The following CWC27 variants were observed in gnomAD, a reference collection of about 807,000 sequenced individuals.
CWC27 encodes the protein CWC27 spliceosome associated cyclophilin.
In CWC27, 47 loss-of-function variants were observed where a neutral mutation model predicts 63.6. The ratio of observed to expected loss-of-function variants is 0.74; its 90% CI spans 0.58 to 0.94. The LOEUF is 0.94. Ranked by LOEUF, CWC27 falls within the 40% of genes least tolerant of loss-of-function variation. The probability of loss-of-function intolerance (pLI) is 0.00; values close to 1 mark genes in which losing one functional copy is unlikely to be tolerated. For synonymous variants in CWC27, 175 were observed against 179.8 expected (o/e 0.97, Z 0.22); for missense variants, 495 against 554.3 (o/e 0.89, Z 1.07).
At chr5:64,952,450 C>T (rs17202652) in intron 11 of CWC27, among the ~76,000 whole-genome samples, 23,049 of 151,818 alleles carry the variant, frequency 0.15, 1,967 homozygotes, top group Non-Finnish European at 0.19. Flanking sequence ...GTTACTGGTT[C>T]AGACAAGTAA....
chr5:64,769,239 T>A (rs781748324), intron 1 of CWC27, 51 bp downstream of exon 1: 3 of 1,561,390 alleles, frequency 1.9e-6, no homozygotes, highest in Non-Finnish European at 2.6e-6. Flanking sequence ...CAAAGTGAGA[T>A]TTCCCGGATT....
intron 1 of CWC27, among the ~76,000 whole-genome samples, chr5:64,773,284 C>T (rs1028241877): frequency 3.9e-5 from 6 of 152,104 alleles, no homozygotes; most frequent in African/African-American, 9.7e-5. Context: ...CATTTAAAAA[C>T]TAGATGTGTA....
chr5:64,904,534 A>T (rs927837926), intron 11 of CWC27, among the ~76,000 whole-genome samples: 2 of 152,236 alleles, frequency 1.3e-5, no homozygotes. Flanking sequence ...ATGATATGGT[A>T]TCTGGGTTCC....
intron 2 of CWC27, among the ~76,000 whole-genome samples, chr5:64,778,823 T>A (rs571520972): frequency 6.6e-6 from 1 of 152,320 alleles, no homozygotes; most frequent in Non-Finnish European, 1.5e-5. Flanking sequence ...TTGTCTGCAC[T>A]AGGGAGCTCT....
intron 13 of CWC27, 117 bp downstream of exon 13, chr5:64,977,355 A>G: frequency 1.6e-6 from 1 of 625,696 alleles, no homozygotes; most frequent in Non-Finnish European, 2.7e-6. Flanking sequence ...TCACCATTAT[A>G]GGACCTCGGC....
intron 11 of CWC27, among the ~76,000 whole-genome samples, chr5:64,916,885 TTAGTAGTAGTAGTAG>T (rs56214406): frequency 1.3e-4 from 19 of 144,020 alleles, no homozygotes; most frequent in Non-Finnish European, 2.3e-4. Flanking sequence ...AGTAGTAGTA[TTAGTAGTAGTAGTAG>T]TAGTAGTAGT....
intron 11 of CWC27, among the ~76,000 whole-genome samples, chr5:64,945,784 A>G (rs571928699): frequency 1.3e-5 from 2 of 152,290 alleles, no homozygotes; most frequent in East Asian, 3.9e-4. Flanking sequence ...AGAATACTGT[A>G]TAATCCTTCA....
intron 11 of CWC27, among the ~76,000 whole-genome samples, chr5:64,895,669 A>C (rs1747355574): frequency 6.6e-6 from 1 of 152,246 alleles, no homozygotes; most frequent in Non-Finnish European, 1.5e-5. Flanking sequence ...GATTTTATTC[A>C]GACACTAAAT....
At chr5:64,811,327 C>T (rs1026654118) in intron 10 of CWC27, among the ~76,000 whole-genome samples, 12 of 151,974 alleles carry the variant, frequency 7.9e-5, no homozygotes, top group African/African-American at 2.9e-4. Flanking sequence ...AATGACTAAA[C>T]AATAAAATCA....
intron 11 of CWC27, among the ~76,000 whole-genome samples, chr5:64,924,052 A>G (rs574335864): frequency 6.6e-6 from 1 of 152,036 alleles, no homozygotes; most frequent in South Asian, 2.1e-4. Flanking sequence ...TAACTGCATC[A>G]CTCACCATCT....
intron 10 of CWC27, among the ~76,000 whole-genome samples, chr5:64,850,603 C>A (rs1746110454): frequency 6.6e-6 from 1 of 152,022 alleles, no homozygotes. Context: ...GCAAAGGAAA[C>A]AATTAACAGT....
intron 10 of CWC27, among the ~76,000 whole-genome samples, chr5:64,863,660 A>G (rs898152125): frequency 6.6e-6 from 1 of 151,900 alleles, no homozygotes; most frequent in South Asian, 2.1e-4. Flanking sequence ...ATGCCTTGCT[A>G]CTTTTTAAAT....
At chr5:64,933,337 ACT>A (rs1748276970) in intron 11 of CWC27, among the ~76,000 whole-genome samples, 1 of 152,194 alleles carries the variant, frequency 6.6e-6, no homozygotes, top group Non-Finnish European at 1.5e-5. Context: ...AGAGATAGTT[ACT>A]TTTAGTTTTG....
At chr5:64,848,667 A>G (rs1490417524) in intron 10 of CWC27, among the ~76,000 whole-genome samples, 1 of 152,204 alleles carries the variant, frequency 6.6e-6, no homozygotes, top group Non-Finnish European at 1.5e-5. Context: ...TCCCTGAGAT[A>G]CACAAAAGAC....
intron 11 of CWC27, among the ~76,000 whole-genome samples, chr5:64,922,664 G>A (rs1007741089): frequency 2.6e-5 from 4 of 152,218 alleles, no homozygotes; most frequent in Non-Finnish European, 2.9e-5. Context: ...TGGGGAGCTA[G>A]TGTGATTGTT....
intron 10 of CWC27, among the ~76,000 whole-genome samples, chr5:64,875,133 T>C (rs978923026): frequency 1.3e-5 from 2 of 152,116 alleles, no homozygotes; most frequent in African/African-American, 4.8e-5. Context: ...ATACACTGTT[T>C]AGTGTGTTTT....
intron 11 of CWC27, among the ~76,000 whole-genome samples, chr5:64,969,118 G>A (rs1018689425): frequency 6.6e-6 from 1 of 152,202 alleles, no homozygotes; most frequent in Admixed American, 6.5e-5. Context: ...AAAAGGGACC[G>A]TGTTCAAGAA....
At chr5:64,857,394 A>G (rs1046300649) in intron 10 of CWC27, among the ~76,000 whole-genome samples, 4 of 152,204 alleles carry the variant, frequency 2.6e-5, no homozygotes, top group Non-Finnish European at 4.4e-5. Flanking sequence ...CCTGAAAAAG[A>G]TCTGCTGTTA....
chr5:65,018,122 T>G (rs1260709829), intron 13 of CWC27, 37 bp from the exon 14 acceptor site: 2 of 1,530,276 alleles, frequency 1.3e-6, no homozygotes, highest in Non-Finnish European at 1.8e-6. Flanking sequence ...TAAGTTCCCA[T>G]GCAAGAAATC....
Sources: allele counts gnomAD v4.1 joint callset (sites outside exome capture counted in the v4.1 genomes callset), GRCh38; gene constraint gnomAD v4.1.1; transcripts MANE v1.5; gene names NCBI Gene and HGNC (gene_info 2026-07-23, HGNC 2026-07-21).